The following ABCA2 variants were observed in gnomAD, a reference collection of about 807,000 sequenced individuals.
ABCA2 encodes ATP-binding cassette sub-family A member 2.
ABCA2 carries 84 observed loss-of-function variants against 262.8 expected under a neutral mutation model. The ratio of observed to expected loss-of-function variants is 0.32; its 90% confidence interval spans 0.27 to 0.38. ABCA2 has a LOEUF of 0.38. Ranked by LOEUF, ABCA2 falls within the 10% of genes least tolerant of loss-of-function variation. The pLI is 1.00. For missense variants in ABCA2, 2,662 were observed against 3,405.9 expected (o/e 0.78, Z 5.44); for synonymous variants, 1,696 against 1,502.9 (o/e 1.13, Z -2.97).
Position 137,011,590 on chromosome 9 carries a change from C to T in ABCA2, c.5652-36G>A. ...GTGGCGGGCAGTGGTCACCAGGCAG[C>T]CCCGGTCCCACCTGAGGCCGCTCCC... On this transcript the variant is annotated intron_variant, in intron 36 of 48. Transcript: ENST00000341511. This position sits in a 1 kb window ranked among gnomAD's most constrained non-coding sequence, Gnocchi z 8.8. 1 of 1,558,902 alleles carries T rather than the reference C, an allele frequency of 6.4e-7. No individual in the cohort carries two copies. Among genetic ancestry groups the T allele is most frequent in the Non-Finnish European group, 8.7e-7 (1 of 1,151,828 alleles).
intron 1 of ABCA2, chr9:137,027,376 CA>C (rs1448891438): frequency 6.6e-6 from 1 of 152,670 alleles, no homozygotes; most frequent in Non-Finnish European, 1.5e-5. Context: ...TTCACAGCTC[CA>C]AACAGTAGAC....
chr9:137,013,803 C>A, intron 28 of ABCA2, 29 bp downstream of exon 28: 1 of 1,577,558 alleles, frequency 6.3e-7, no homozygotes, highest in Non-Finnish European at 8.6e-7. Flanking sequence ...GGAGGCAAGC[C>A]CAGCACCCCT....
rs1209758862 is a variant in ABCA2 at position 137,017,117 on chromosome 9, A to G, written c.2561T>C (p.Met854Thr). The G allele has an allele frequency of 3.1e-6, 5 of 1,612,396 alleles. No individual in the cohort carries two copies. The highest frequency in any genetic ancestry group is 4.2e-6 in the Non-Finnish European group (5 of 1,179,802). Residue 854 changes from methionine (M) to threonine (T), a missense_variant, in exon 19 of 49, where the codon ATG becomes ACG. This residue lies in a region of ABCA2 where 188 missense variants were observed against 343.4 expected (regional missense o/e 0.55). Transcript: ENST00000341511. ...GCCCAGACCAAAGGCCGTCGTGGAC[A>G]TGAGGGACTGAGAAGGCAGTGGTGT... is the stretch of plus-strand genomic sequence containing the variant. ...TAFEKCIASL[M>T]STTAFGLGSK...
chr9:137,011,484 G>A lies in ABCA2; in HGVS notation c.5722C>T (p.Leu1908Phe). 6.2e-7 allele frequency: 1 copy of A among 1,607,714 alleles called. No individual in the cohort carries two copies. Among genetic ancestry groups the A allele is most frequent in the Non-Finnish European group, 8.5e-7 (1 of 1,177,472 alleles). The stretch of plus-strand genomic sequence containing the variant: ...CCGATGAAGAGATTGATGACAATGA[G>A]GAACACGTAGGCGGAGCTGGGGACC... ...FEVPSSAYVFLIVINLFIGIT... is the reference protein window; with the variant it reads ...FEVPSSAYVFFIVINLFIGIT... Residue 1908 changes from leucine (L) to phenylalanine (F), a missense_variant, in exon 37 of 49, where the codon CTC becomes TTC. By Grantham distance (22) the Leu-to-Phe change is conservative. Around this residue, in one of 12 missense-constraint regions of ABCA2, gnomAD observed 602 missense variants for 897.4 expected, o/e 0.67. Coordinates refer to ENST00000341511, the MANE Select transcript of ABCA2 (RefSeq NM_001606.5). This position sits in a 1 kb window ranked among gnomAD's most constrained non-coding sequence, Gnocchi z 8.8.
intron 39 of ABCA2, 92 bp from the exon 40 acceptor site, chr9:137,010,829 A>C: frequency 6.8e-7 from 1 of 1,472,068 alleles, no homozygotes; most frequent in South Asian, 1.2e-5. Flanking sequence ...GTGGCATGTA[A>C]GAAGGGTGGG....
At chr9:137,025,981 A>G (rs1831640114) in intron 1 of ABCA2, among the ~76,000 whole-genome samples, 1 of 152,090 alleles carries the variant, frequency 6.6e-6, no homozygotes, top group Non-Finnish European at 1.5e-5. Context: ...GTGCCTTCAC[A>G]TCGCCTGGAG....
In ABCA2 at chr9:137,022,353, C is replaced by G. The variant is rs767021790; in HGVS notation, c.565G>C (p.Glu189Gln). ...ALLAARVDPP[E>Q]VYHLLFGPSS... is the part of the protein sequence containing the mutation. ...GCTGGGAGCTGTCCCTGCCTTACCTCGGGCGGGTCCACACGGGCGGCCAAG... is the reference window on the plus strand; with the variant it reads ...GCTGGGAGCTGTCCCTGCCTTACCTGGGGCGGGTCCACACGGGCGGCCAAG... Residue 189 changes from glutamate to glutamine, a missense_variant and splice_region_variant, in exon 6 of 49, where the codon GAG becomes CAG. Glu to Gln is a conservative substitution (Grantham distance 29). Around this residue, in one of 12 missense-constraint regions of ABCA2, gnomAD observed 403 missense variants for 375.9 expected, o/e 1.07. Transcript: ENST00000341511. 6.2e-7 allele frequency: 1 copy of G among 1,603,328 alleles called. No individual in the cohort carries two copies. The highest frequency in any genetic ancestry group is 8.5e-7 in the Non-Finnish European group (1 of 1,175,714).
At chr9:137,009,950 G>A in intron 42 of ABCA2, 33 bp downstream of exon 42, 3 of 1,596,554 alleles carry the variant, frequency 1.9e-6, no homozygotes, top group Non-Finnish European at 2.6e-6. Context: ...CACCCAGCGT[G>A]CTGACTCCCT....
Position 137,016,583 on chromosome 9 carries a change from G to A in ABCA2, c.2914C>T (p.Arg972Trp), listed in dbSNP as rs748428134. 2.2e-5 allele frequency: 36 copies of A among 1,612,028 alleles called. No individual in the cohort carries two copies. Among genetic ancestry groups the A allele is most frequent in the African/African-American group, 5.3e-5 (4 of 74,926 alleles). The change falls in exon 20 of 49, where the codon CGG (arginine) becomes TGG (tryptophan). Residue 972 changes from arginine to tryptophan, a missense_variant. Coordinates refer to ENST00000341511, the MANE Select transcript of ABCA2 (RefSeq NM_001606.5). ...CTGATGCCAGCCTCACCAAAGCGCCGGCTCTCCATGGCACAGGCCTGGTCC... is the reference window on the plus strand; with the variant it reads ...CTGATGCCAGCCTCACCAAAGCGCCAGCTCTCCATGGCACAGGCCTGGTCC... The part of the protein sequence containing the change: ...EEDQACAMES[R>W]RFEETRGMEE...
Position 137,008,778 on chromosome 9 carries a change from C to A in ABCA2, c.7021G>T (p.Val2341Leu). Residue 2341 changes from valine (V) to leucine (L), a missense_variant, in exon 47 of 49, where the codon GTG (valine) becomes TTG (leucine). By Grantham distance (32) the Val-to-Leu change is conservative. This residue lies in a region of ABCA2 where 212 missense variants were observed against 214.4 expected (regional missense o/e 0.99). Coordinates refer to ENST00000341511, the MANE Select transcript of ABCA2 (RefSeq NM_001606.5). ...ACCGAGTAGTCCTCGATGCCCAGCA[C>A]GCCAGACACCTGCTCCATCTTGCTG... ...VFSKMEQVSG[V>L]LGIEDYSVSQ... The A allele has an allele frequency of 6.3e-7, 1 of 1,598,396 alleles. No individual in the cohort carries two copies. The highest frequency in any genetic ancestry group is 8.5e-7 in the Non-Finnish European group (1 of 1,174,600).
Position 137,010,600 on chromosome 9 carries a change from C to A in ABCA2, c.6174+20G>T. On this transcript the variant is annotated intron_variant, in intron 40 of 48. Transcript: ENST00000341511. ...CTGGCCTACCCCACCCAGGCCCCAC[C>A]CTACATGCCCAGAGCCCACCTTGGT... 6.4e-7 allele frequency: 1 copy of A among 1,571,208 alleles called. No homozygotes were observed. Among genetic ancestry groups the A allele is most frequent in the South Asian group, 1.1e-5 (1 of 90,044 alleles).
chr9:137,028,405 C>T, upstream of ABCA2: 1 of 488,798 alleles, frequency 2.0e-6, no homozygotes, highest in Non-Finnish European at 2.6e-6. This position sits in a 1 kb window ranked among gnomAD's most constrained non-coding sequence, Gnocchi z 6.9. Flanking sequence ...CGGGACCGAC[C>T]CGGGCCCGAG....
In ABCA2 at chr9:137,017,010, C is replaced by T. The variant is rs757517721; in HGVS notation, c.2668G>A (p.Asp890Asn). 7.4e-6 allele frequency: 12 copies of T among 1,612,694 alleles called. No individual in the cohort carries two copies. The Admixed American group carries it at 8.3e-5, about 11-fold the overall frequency. ...TFSQSPVEGD[D>N]FNLLLAVTML... is the part of the protein sequence containing the mutation. ...GTGACAGCCAGGAGCAAGTTGAAGT[C>T]GTCCCCCTCCACCGGGGACTGGCTG... The change falls in exon 19 of 49, where the codon GAC becomes AAC. Residue 890 changes from aspartate (D) to asparagine (N), a missense_variant. By Grantham distance (23) the Asp-to-Asn change is conservative. Coordinates refer to ENST00000341511, the MANE Select transcript of ABCA2 (RefSeq NM_001606.5).
In ABCA2 at chr9:137,009,054, C is replaced by T; in HGVS notation, c.6828-1G>A. On this transcript the variant is annotated splice_acceptor_variant, in intron 45 of 48. Coordinates refer to ENST00000341511, the MANE Select transcript of ABCA2 (RefSeq NM_001606.5). LOFTEE classifies it high-confidence loss of function. The stretch of plus-strand genomic sequence containing the variant: ...CGTGATCATGTAGCCATCTCCAAAC[C>T]TGGTGGGACAGGCCGGTGGCCCGGA... 2 of 1,606,070 alleles carry T rather than the reference C, an allele frequency of 1.2e-6. No homozygotes were observed. The highest frequency in any genetic ancestry group is 1.1e-5 in the South Asian group (1 of 91,060).
At chr9:137,026,632 T>G (rs1466239263) in intron 1 of ABCA2, among the ~76,000 whole-genome samples, 2 of 152,142 alleles carry the variant, frequency 1.3e-5, no homozygotes. Flanking sequence ...GAGTCACTCT[T>G]GCGGTCAGGA....
intron 6 of ABCA2, 56 bp from the exon 7 acceptor site, chr9:137,022,057 T>TGTG (rs1564229669): frequency 6.7e-4 from 99 of 146,848 alleles, no homozygotes; most frequent in African/African-American, 3.2e-3. Context: ...GCTCAGATGG[T>TGTG]GGGGGCGTGG....
At position 137,011,223 on chromosome 9, in the gene ABCA2, G is replaced by A. The variant is rs756462686; in HGVS notation, c.5886C>T (p.Ala1962=). The A allele has an allele frequency of 1.1e-5, 17 of 1,612,594 alleles. No homozygotes were observed. Among genetic ancestry groups the A allele is most frequent in the Non-Finnish European group, 1.4e-5 (17 of 1,179,892 alleles). Residue 1962 remains alanine (A), a synonymous_variant, in exon 38 of 49, where the codon GCC becomes GCT. Coordinates refer to ENST00000341511, the MANE Select transcript of ABCA2 (RefSeq NM_001606.5). This position sits in a 1 kb window ranked among gnomAD's most constrained non-coding sequence, Gnocchi z 8.8. ...AGTACTCGTTGATGTACTCGTTGTAGGCCATCTCCATGAGCCCGTGGCCCA... is the reference window on the plus strand; with the variant it reads ...AGTACTCGTTGATGTACTCGTTGTAAGCCATCTCCATGAGCCCGTGGCCCA... ...YNLGHGLMEM[A]YNEYINEYYA...
chr9:137,016,744 G>A lies in ABCA2; in HGVS notation c.2759-6C>T. 1 of 1,544,590 alleles carries A rather than the reference G, an allele frequency of 6.5e-7. No homozygotes were observed. The highest frequency in any genetic ancestry group is 8.7e-7 in the Non-Finnish European group (1 of 1,148,762). On this transcript the variant is annotated splice_region_variant and splice_polypyrimidine_tract_variant and intron_variant, in intron 19 of 48. Transcript: ENST00000341511. The stretch of plus-strand genomic sequence containing the variant: ...CCGGGGCAGCCCGTACATGCCTGGG[G>A]GTCGGGGAGGGGAGGGGAGGCTGAC...
rs373592462 is a variant in ABCA2 at position 137,019,011 on chromosome 9, C to T, written c.1614G>A (p.Pro538=). The T allele has an allele frequency of 5.0e-6, 8 of 1,612,882 alleles. No homozygotes were observed. In the South Asian group the frequency reaches 7.7e-5, roughly 15 times the overall value. Residue 538 remains proline, a synonymous_variant, in exon 12 of 49, where the codon CCG becomes CCA. Transcript: ENST00000341511. This position sits in a 1 kb window ranked among gnomAD's most constrained non-coding sequence, Gnocchi z 4.4. Reference sequence around the variant, plus strand: ...AGAAGTTGTCCTGTCTCAGGGCCGGCGGCAGCTCATCCAGTGACAGGTTCA... The same window carrying T: ...AGAAGTTGTCCTGTCTCAGGGCCGGTGGCAGCTCATCCAGTGACAGGTTCA... ...EALNLSLDEL[P]PALRQDNFSL...
Sources: gnomAD v4.1 joint callset for allele counts (sites outside exome capture counted in the v4.1 genomes callset) on GRCh38, gnomAD v4.1.1 for gene constraint, gnomAD v4.1.1 regional missense constraint, Gnocchi (gnomAD v3.1) non-coding constraint, MANE v1.5 for transcripts, NCBI Gene and HGNC (gene_info 2026-07-23, HGNC 2026-07-21) for gene names.